Variants in ZNF138 observed in about 807,000 individuals in gnomAD.
ZNF138 encodes zinc finger protein 138 (clone pHZ-32).
Under a neutral mutation model 33.0 loss-of-function variants are expected in ZNF138, and 33 were observed. The ratio of observed to expected loss-of-function variants is 1.00; its 90% CI spans 0.76 to 1.34. The LOEUF (loss-of-function observed/expected upper bound fraction) is 1.34. Among genes scored for constraint, ZNF138 ranks in the 40% most tolerant of loss-of-function variants. The pLI, the probability that ZNF138 is intolerant of heterozygous loss-of-function variation, is 0.00. For synonymous variants in ZNF138, 139 were observed against 120.4 expected, an observed-to-expected ratio of 1.15 and a Z score of -1.01; for missense variants, 360 against 370.8, an observed-to-expected ratio of 0.97 and a Z score of 0.24.
chr7:64,802,576 A>C (rs1398532101), intron 1 of ZNF138, among the ~76,000 whole-genome samples: 1 of 152,100 alleles, frequency 6.6e-6, no homozygotes, highest in Middle Eastern at 3.2e-3. Context: ...TTGGAAAGTA[A>C]GTCACGATCT....
intron 3 of ZNF138, among the ~76,000 whole-genome samples, chr7:64,820,718 C>T (rs1316174047): frequency 6.6e-6 from 1 of 151,428 alleles, no homozygotes; most frequent in Non-Finnish European, 1.5e-5. Context: ...CACTCACCAC[C>T]ATGCCTGGCT....
chr7:64,811,125 AT>A (rs201948020), intron 1 of ZNF138, among the ~76,000 whole-genome samples: 1 of 152,090 alleles, frequency 6.6e-6, no homozygotes, highest in Non-Finnish European at 1.5e-5. Flanking sequence ...AATTCTATAC[AT>A]TTTTTAAAAA....
At chr7:64,853,758 C>CTTTA in the ZNF138 span, among the ~76,000 whole-genome samples, 4 of 151,660 alleles carry the variant, frequency 2.6e-5, no homozygotes, top group Non-Finnish European at 5.9e-5. Flanking sequence ...AACCATAATA[C>CTTTA]TTTAATGTGT....
the ZNF138 span, among the ~76,000 whole-genome samples, chr7:64,859,876 C>T: frequency 4.6e-5 from 7 of 152,162 alleles, no homozygotes; most frequent in East Asian, 1.9e-4. Context: ...CGGTGGCTCA[C>T]GCCTGTAATC....
chr7:64,795,671 A>G (rs1021878839), intron 1 of ZNF138, among the ~76,000 whole-genome samples: 1 of 149,062 alleles, frequency 6.7e-6, no homozygotes, highest in African/African-American at 2.5e-5. Context: ...ATTGTAAAAA[A>G]TCTCTGTGCC....
chr7:64,848,663 T>C, the ZNF138 span, among the ~76,000 whole-genome samples: 1 of 151,830 alleles, frequency 6.6e-6, no homozygotes, highest in Non-Finnish European at 1.5e-5. Flanking sequence ...AGGGATTTCT[T>C]CTTGGTTTAG....
chr7:64,801,618 G>A (rs1201433371), intron 1 of ZNF138, among the ~76,000 whole-genome samples: 1 of 152,188 alleles, frequency 6.6e-6, no homozygotes, highest in East Asian at 1.9e-4. Context: ...ACATGGTGCT[G>A]AGAAGAATAT....
the ZNF138 span, among the ~76,000 whole-genome samples, chr7:64,840,578 C>G: frequency 1.3e-5 from 2 of 152,032 alleles, no homozygotes; most frequent in South Asian, 4.1e-4. Flanking sequence ...TTTTGGATTA[C>G]TAACCCATTC....
intron 1 of ZNF138, among the ~76,000 whole-genome samples, chr7:64,808,058 C>G (rs1274930684): frequency 6.6e-6 from 1 of 152,186 alleles, no homozygotes; most frequent in Admixed American, 6.5e-5. Flanking sequence ...TCCTGCTTGG[C>G]TTATCCTTAA....
chr7:64,837,110 G>A (rs909885606), downstream of ZNF138, among the ~76,000 whole-genome samples: 1 of 152,196 alleles, frequency 6.6e-6, no homozygotes, highest in African/African-American at 2.4e-5. Flanking sequence ...CCTGTCACAT[G>A]GAGAATTCAT....
chr7:64,796,889 A>C (rs1786731173), intron 1 of ZNF138, among the ~76,000 whole-genome samples: 1 of 152,204 alleles, frequency 6.6e-6, no homozygotes, highest in East Asian at 1.9e-4. Context: ...CTAAAAATAC[A>C]AAAATTAGAA....
the ZNF138 span, among the ~76,000 whole-genome samples, chr7:64,847,332 A>ATTTT: frequency 1.6e-5 from 2 of 128,140 alleles, no homozygotes; most frequent in African/African-American, 3.0e-5. Context: ...ATATATATAT[A>ATTTT]TTTTTTTTTT....
the ZNF138 span, among the ~76,000 whole-genome samples, chr7:64,842,098 C>T: frequency 6.6e-6 from 1 of 152,222 alleles, no homozygotes. Context: ...GAATCTTGCT[C>T]TGTCACCCAG....
chr7:64,810,185 C>G (rs1452555419), intron 1 of ZNF138, among the ~76,000 whole-genome samples: 1 of 143,152 alleles, frequency 7.0e-6, no homozygotes, highest in Non-Finnish European at 1.5e-5. Context: ...ACTGAGTGAA[C>G]GAGACTCCGT....
At chr7:64,805,224 C>T (rs959192201) in intron 1 of ZNF138, among the ~76,000 whole-genome samples, 20 of 152,140 alleles carry the variant, frequency 1.3e-4, no homozygotes, top group African/African-American at 4.6e-4. Context: ...TGGTGAAACC[C>T]CGTCTCCACC....
At chr7:64,810,182 G>T (rs1788031996) in intron 1 of ZNF138, among the ~76,000 whole-genome samples, 2 of 142,078 alleles carry the variant, frequency 1.4e-5, no homozygotes, top group Non-Finnish European at 3.1e-5. Context: ...AGCACTGAGT[G>T]AACGAGACTC....
At chr7:64,847,830 A>C in the ZNF138 span, among the ~76,000 whole-genome samples, 2 of 152,090 alleles carry the variant, frequency 1.3e-5, no homozygotes, top group African/African-American at 4.8e-5. Context: ...TTTTAAGTGG[A>C]GCATTCAGGC....
chr7:64,839,431 G>A, the ZNF138 span, among the ~76,000 whole-genome samples: 16 of 152,154 alleles, frequency 1.1e-4, no homozygotes, highest in African/African-American at 3.6e-4. Flanking sequence ...CTGGAGCCTC[G>A]GATCGGCTAC....
chr7:64,845,290 T>C, the ZNF138 span, among the ~76,000 whole-genome samples: 1 of 152,238 alleles, frequency 6.6e-6, no homozygotes, highest in African/African-American at 2.4e-5. Flanking sequence ...TAAGTAGTAT[T>C]CCATCATATA....
Sources: allele counts gnomAD v4.1 joint callset (sites outside exome capture counted in the v4.1 genomes callset), GRCh38; gene constraint gnomAD v4.1.1; transcripts MANE v1.5; gene names NCBI Gene and HGNC (gene_info 2026-07-23, HGNC 2026-07-21).